Variants in ASTN2 observed in about 807,000 individuals in gnomAD.
The protein encoded by ASTN2 is astrotactin 2.
In ASTN2, 54 loss-of-function variants were observed where a neutral mutation model predicts 139.8. That is an observed-to-expected ratio of 0.39 (90% CI 0.31 to 0.48). The LOEUF (loss-of-function observed/expected upper bound fraction) is 0.48, where lower values mean the gene tolerates loss of function less well. Among genes scored for constraint, ASTN2 ranks in the 20% least tolerant of loss-of-function variants. The probability of loss-of-function intolerance (pLI) is 0.95; values close to 1 mark genes in which losing one functional copy is unlikely to be tolerated. For synonymous variants in ASTN2, 756 were observed against 719.5 expected, an observed-to-expected ratio of 1.05 and a Z score of -0.81; for missense variants, 1,565 against 1,725.1, an observed-to-expected ratio of 0.91 and a Z score of 1.64.
At chr9:117,019,603 C>T (rs1005785037) in intron 6 of ASTN2, among the ~76,000 whole-genome samples, 16 of 152,052 alleles carry the variant, frequency 1.1e-4, no homozygotes, top group African/African-American at 2.7e-4. Context: ...GGTTTTTATT[C>T]GAGGGCCAAA....
intron 1 of ASTN2, among the ~76,000 whole-genome samples, chr9:117,370,311 C>T (rs1829955300): frequency 6.6e-6 from 1 of 152,156 alleles, no homozygotes; most frequent in Non-Finnish European, 1.5e-5. Context: ...TCATCATGCA[C>T]AGTCAATGGA....
At chr9:117,061,233 A>T (rs188811240) in intron 5 of ASTN2, among the ~76,000 whole-genome samples, 3 of 152,134 alleles carry the variant, frequency 2.0e-5, no homozygotes, top group Admixed American at 1.3e-4. Flanking sequence ...CTTTGGAGTC[A>T]GACAGATCTG....
chr9:117,060,485 G>C (rs1303297117), intron 5 of ASTN2, among the ~76,000 whole-genome samples: 1 of 78,504 alleles, frequency 1.3e-5, no homozygotes, highest in African/African-American at 5.9e-5. Flanking sequence ...AGGAAGGAAG[G>C]AATGAAAGAA....
chr9:116,704,388 C>T (rs556910867), intron 16 of ASTN2, among the ~76,000 whole-genome samples: 3 of 152,228 alleles, frequency 2.0e-5, no homozygotes, highest in Non-Finnish European at 4.4e-5. Flanking sequence ...AATTGCTTCT[C>T]TACCCCAGCT....
At chr9:117,136,730 T>C (rs1829960541) in intron 4 of ASTN2, among the ~76,000 whole-genome samples, 2 of 152,080 alleles carry the variant, frequency 1.3e-5, no homozygotes, top group Non-Finnish European at 1.5e-5. Context: ...AAGGGGAAGA[T>C]GGATTTATGA....
chr9:117,188,962 G>C (rs889753390), intron 3 of ASTN2, among the ~76,000 whole-genome samples: 8 of 151,976 alleles, frequency 5.3e-5, no homozygotes, highest in African/African-American at 1.7e-4. Flanking sequence ...CCAGAGCGTG[G>C]AGTCTGAGAA....
chr9:116,635,015 T>A (rs1857005859), intron 17 of ASTN2, among the ~76,000 whole-genome samples: 1 of 152,220 alleles, frequency 6.6e-6, no homozygotes, highest in Non-Finnish European at 1.5e-5. Context: ...GATCAAGTGT[T>A]CAATCGTACT....
intron 4 of ASTN2, among the ~76,000 whole-genome samples, chr9:117,129,273 C>T (rs374816503): frequency 3.2e-4 from 48 of 152,266 alleles, no homozygotes; most frequent in African/African-American, 1.1e-3. Context: ...CCACTTCCTC[C>T]CTCCGTTCCT....
At chr9:116,813,169 G>A (rs561540519) in intron 12 of ASTN2, among the ~76,000 whole-genome samples, 2 of 152,186 alleles carry the variant, frequency 1.3e-5, no homozygotes, top group Admixed American at 6.5e-5. Context: ...TTATACATGT[G>A]CCAAAATGAA....
At chr9:116,899,203 C>G (rs1352099003) in intron 10 of ASTN2, among the ~76,000 whole-genome samples, 1 of 152,088 alleles carries the variant, frequency 6.6e-6, no homozygotes, top group African/African-American at 2.4e-5. Context: ...AATGACAACA[C>G]TAGGGGGTCT....
intron 17 of ASTN2, among the ~76,000 whole-genome samples, chr9:116,623,700 C>A (rs1051506374): frequency 2.0e-5 from 3 of 152,176 alleles, no homozygotes; most frequent in Non-Finnish European, 4.4e-5. Flanking sequence ...TCTATCCCTC[C>A]GTTAAGTGCT....
At chr9:116,748,029 T>A (rs895520576) in intron 13 of ASTN2, among the ~76,000 whole-genome samples, 5 of 152,272 alleles carry the variant, frequency 3.3e-5, no homozygotes, top group Admixed American at 2.0e-4. Flanking sequence ...TGAGCTGCTG[T>A]CACCAGGGCC....
intron 1 of ASTN2, among the ~76,000 whole-genome samples, chr9:117,300,683 C>T (rs1046807468): frequency 5.9e-5 from 9 of 152,098 alleles, no homozygotes; most frequent in Admixed American, 1.3e-4. Context: ...GGTTAAATGC[C>T]CACAGGATAA....
At chr9:117,267,987 T>C (rs751197651) in intron 2 of ASTN2, among the ~76,000 whole-genome samples, 2 of 152,216 alleles carry the variant, frequency 1.3e-5, no homozygotes, top group Non-Finnish European at 2.9e-5. Context: ...TGCCAATCAT[T>C]GCATTTCATT....
chr9:116,539,126 T>C (rs1851770565), intron 19 of ASTN2, among the ~76,000 whole-genome samples: 1 of 152,118 alleles, frequency 6.6e-6, no homozygotes, highest in South Asian at 2.1e-4. Context: ...TTATATGAAA[T>C]GTTCAGAGTA....
At chr9:117,287,779 A>T (rs1251596986) in intron 2 of ASTN2, among the ~76,000 whole-genome samples, 2 of 152,198 alleles carry the variant, frequency 1.3e-5, no homozygotes, top group East Asian at 3.9e-4. Flanking sequence ...TCCTTTAAAC[A>T]TTGCTTCAAT....
chr9:117,323,048 T>C (rs1828384826), intron 1 of ASTN2, among the ~76,000 whole-genome samples: 1 of 152,096 alleles, frequency 6.6e-6, no homozygotes, highest in Non-Finnish European at 1.5e-5. Context: ...TCTCTGCAGA[T>C]TTTTGTTTTA....
intron 3 of ASTN2, among the ~76,000 whole-genome samples, chr9:117,167,930 A>G (rs1223063960): frequency 6.6e-6 from 1 of 152,168 alleles, no homozygotes; most frequent in East Asian, 1.9e-4. Flanking sequence ...GGAGGTGATA[A>G]GAACTGATCT....
At position 116,915,936 on chromosome 9, in the gene ASTN2, A is replaced by G. The variant is rs141802272; in HGVS notation, c.1890-52203T>C. Among the ~76,000 whole-genome samples the G allele has an allele frequency of 2.0e-4, 31 of 152,334 alleles. No individual in the cohort carries two copies. In the East Asian group the frequency reaches 5.8e-3, roughly 28 times the overall value. Reference sequence around the variant, plus strand: ...ATGGGTACCCCTGAATTTGTAGCCAAGTCAGAGGGAACTGTGAGGATACTT... The same window carrying G: ...ATGGGTACCCCTGAATTTGTAGCCAGGTCAGAGGGAACTGTGAGGATACTT... On this transcript the variant is annotated intron_variant, in intron 10 of 22. Coordinates refer to ENST00000313400, the MANE Select transcript of ASTN2 (RefSeq NM_001365068.1).
Sources: allele counts gnomAD v4.1 joint callset (sites outside exome capture counted in the v4.1 genomes callset), GRCh38; gene constraint gnomAD v4.1.1; transcripts MANE v1.5; gene names NCBI Gene and HGNC (gene_info 2026-07-23, HGNC 2026-07-21).